LRP1B: variants seen among roughly 807,000 people sequenced by gnomAD.
LRP1B encodes the protein low-density lipoprotein receptor-related protein 1B.
A neutral mutation model predicts 556.6 loss-of-function variants in LRP1B; 217 were observed. The observed-to-expected ratio is 0.39, with a 90% CI of 0.35 to 0.44. LRP1B has a LOEUF of 0.44. Ranked by LOEUF, LRP1B falls within the 20% of genes least tolerant of loss-of-function variation. The pLI is 1.00. For synonymous variants in LRP1B, 2,047 were observed against 1,865.8 expected (o/e 1.10, Z -2.50); for missense variants, 5,053 against 5,620.8 (o/e 0.90, Z 3.23).
intron 1 of LRP1B, among the ~76,000 whole-genome samples, chr2:141,869,987 A>T (rs886553054): frequency 6.6e-6 from 1 of 152,030 alleles, no homozygotes; most frequent in Non-Finnish European, 1.5e-5. Context: ...AAGCTAAAGG[A>T]TCACAATTTT....
At chr2:140,624,544 A>G (rs1243393337) in intron 41 of LRP1B, among the ~76,000 whole-genome samples, 1 of 152,184 alleles carries the variant, frequency 6.6e-6, no homozygotes, top group Non-Finnish European at 1.5e-5. Context: ...CTTATCGCTG[A>G]GGAGTGTCCA....
At chr2:141,828,243 AT>A (rs1042745230) in intron 1 of LRP1B, among the ~76,000 whole-genome samples, 1 of 152,078 alleles carries the variant, frequency 6.6e-6, no homozygotes, top group Non-Finnish European at 1.5e-5. Context: ...TTCAATACAC[AT>A]TTTTTTATTA....
At chr2:141,324,260 A>G (rs922517753) in intron 3 of LRP1B, among the ~76,000 whole-genome samples, 1 of 152,142 alleles carries the variant, frequency 6.6e-6, no homozygotes, top group Non-Finnish European at 1.5e-5. Context: ...AGTCCTGACC[A>G]TAAAGAAACT....
intron 3 of LRP1B, among the ~76,000 whole-genome samples, chr2:141,428,968 A>G (rs1474119797): frequency 1.3e-5 from 2 of 152,132 alleles, no homozygotes; most frequent in Non-Finnish European, 2.9e-5. Context: ...TTCCTAAACC[A>G]TAATCTCTGG....
intron 7 of LRP1B, among the ~76,000 whole-genome samples, chr2:141,067,225 T>C (rs925336936): frequency 6.6e-6 from 1 of 152,016 alleles, no homozygotes; most frequent in South Asian, 2.1e-4. Flanking sequence ...TATTTAGCAT[T>C]GTAATTCTAA....
At chr2:141,460,191 A>G (rs1034305275) in intron 3 of LRP1B, among the ~76,000 whole-genome samples, 5 of 152,270 alleles carry the variant, frequency 3.3e-5, no homozygotes, top group Middle Eastern at 3.4e-3. Context: ...AAATTTACCA[A>G]TTTAATTATC....
chr2:141,506,426 C>T (rs1186117625), intron 2 of LRP1B, among the ~76,000 whole-genome samples: 1 of 152,030 alleles, frequency 6.6e-6, no homozygotes, highest in Admixed American at 6.6e-5. Flanking sequence ...ATGAGAAAAA[C>T]AACAGAAGTG....
chr2:140,920,964 G>A (rs574041736), intron 21 of LRP1B, among the ~76,000 whole-genome samples: 4 of 151,992 alleles, frequency 2.6e-5, no homozygotes, highest in African/African-American at 9.6e-5. Context: ...TCATACTTCA[G>A]ATTTATTTTG....
chr2:140,936,414 A>G (rs1178787975), intron 20 of LRP1B, among the ~76,000 whole-genome samples: 1 of 151,846 alleles, frequency 6.6e-6, no homozygotes, highest in Non-Finnish European at 1.5e-5. Context: ...CCTGTCATCC[A>G]AGAATCCTGT....
chr2:140,491,731 T>C (rs2104860091), intron 57 of LRP1B, among the ~76,000 whole-genome samples: 1 of 152,234 alleles, frequency 6.6e-6, no homozygotes, highest in South Asian at 2.1e-4. Context: ...CATTCTTATA[T>C]TTTGATTAAA....
At chr2:140,854,060 T>TA (rs33945219) in intron 27 of LRP1B, among the ~76,000 whole-genome samples, 2,316 of 108,804 alleles carry the variant, frequency 0.021, 65 homozygotes, top group African/African-American at 0.069. Flanking sequence ...CATATCTGAA[T>TA]AAAAAAAAAA....
intron 79 of LRP1B, among the ~76,000 whole-genome samples, chr2:140,333,414 T>C (rs962117151): frequency 1.3e-5 from 2 of 152,058 alleles, no homozygotes; most frequent in Non-Finnish European, 2.9e-5. Context: ...TTCTTCAGCA[T>C]TTGGAACAAT....
chr2:141,475,413 G>A (rs1249762588), intron 3 of LRP1B, among the ~76,000 whole-genome samples: 1 of 152,054 alleles, frequency 6.6e-6, no homozygotes, highest in East Asian at 1.9e-4. Flanking sequence ...TAATCTAACA[G>A]GGATGTGAAT....
intron 3 of LRP1B, among the ~76,000 whole-genome samples, chr2:141,329,477 T>C (rs1687554354): frequency 6.6e-6 from 1 of 151,104 alleles, no homozygotes; most frequent in Admixed American, 6.6e-5. Context: ...ACCCTGTCTC[T>C]ACTAAAAATA....
intron 67 of LRP1B, among the ~76,000 whole-genome samples, chr2:140,384,552 T>C (rs1249087972): frequency 6.6e-6 from 1 of 152,190 alleles, no homozygotes; most frequent in Non-Finnish European, 1.5e-5. Context: ...TATAAAAGTT[T>C]CTATATTCAG....
chr2:140,503,174 T>C lies in LRP1B; in HGVS notation c.8522-71A>G, dbSNP rs74577670. 7.0e-4 allele frequency: 952 copies of C among 1,352,970 alleles called. 9 individuals carry two copies. In the African/African-American group the frequency reaches 0.011, roughly 16 times the overall value. 83.8% of individuals were successfully genotyped at this position (1,352,970 alleles called of 1,614,324 possible). A position where few individuals can be genotyped will look rare whatever the true frequency, so the allele number is the denominator to read the frequency against. The stretch of plus-strand genomic sequence containing the variant: ...TAATTGAAACGTCATCTCCTCAATG[T>C]ACACTACACCGGATTAATGTGGATT... On this transcript the variant is annotated intron_variant, in intron 53 of 90. Coordinates refer to ENST00000389484, the MANE Select transcript of LRP1B (RefSeq NM_018557.3).
intron 43 of LRP1B, among the ~76,000 whole-genome samples, chr2:140,589,597 T>C (rs572740647): frequency 4.7e-4 from 71 of 152,300 alleles, no homozygotes; most frequent in Non-Finnish European, 8.4e-4. Flanking sequence ...ATATCATAGA[T>C]ACTACTCAGC....
intron 1 of LRP1B, among the ~76,000 whole-genome samples, chr2:141,869,431 CATT>C (rs1263796106): frequency 6.6e-6 from 1 of 151,986 alleles, no homozygotes; most frequent in Non-Finnish European, 1.5e-5. Context: ...AGAAAAACTA[CATT>C]ATTAACCAAA....
chr2:141,528,945 G>T (rs1479860768), intron 2 of LRP1B, among the ~76,000 whole-genome samples: 1 of 152,156 alleles, frequency 6.6e-6, no homozygotes, highest in Non-Finnish European at 1.5e-5. Context: ...TTTTTAGTGT[G>T]CACAATTCTT....
Sources: allele counts gnomAD v4.1 joint callset (sites outside exome capture counted in the v4.1 genomes callset), GRCh38; gene constraint gnomAD v4.1.1; transcripts MANE v1.5; gene names NCBI Gene and HGNC (gene_info 2026-07-23, HGNC 2026-07-21).